Variants in IGF2R observed in about 807,000 individuals in gnomAD.
The protein encoded by IGF2R is cation-independent mannose-6-phosphate receptor.
A neutral mutation model predicts 270.6 loss-of-function variants in IGF2R; 91 were observed. The ratio of observed to expected loss-of-function variants is 0.34; its 90% confidence interval spans 0.28 to 0.40. The LOEUF is 0.40. Ranked by LOEUF, IGF2R falls within the 10% of genes least tolerant of loss-of-function variation. The pLI, the probability that IGF2R is intolerant of heterozygous loss-of-function variation, is 1.00. For synonymous variants in IGF2R, 1,316 were observed against 1,258.9 expected, an observed-to-expected ratio of 1.05 and a Z score of -0.96; for missense variants, 2,805 against 3,188.3, an observed-to-expected ratio of 0.88 and a Z score of 2.90.
At chr6:159,981,294 AGTGT>A (rs1300081712) in intron 1 of IGF2R, among the ~76,000 whole-genome samples, 1 of 151,586 alleles carries the variant, frequency 6.6e-6, no homozygotes, top group South Asian at 2.1e-4. Flanking sequence ...TGTGAGTGCA[AGTGT>A]GTGTGTCTGA....
rs1423529695 is a variant in IGF2R, at chr6:160,109,926, A to G, written c.*4842A>G. On this transcript the variant is annotated 3_prime_UTR_variant, in exon 48 of 48. Coordinates refer to ENST00000356956, the MANE Select transcript of IGF2R (RefSeq NM_000876.4). ...CATAGGTATGGATTGTCATATAGAA[A>G]CATTTTTCGCAGTGTGCCCCGTGGA... is the stretch of plus-strand genomic sequence containing the variant. 1 of 152,202 alleles carries G rather than the reference A, an allele frequency of 6.6e-6. No homozygotes were observed. Among genetic ancestry groups the G allele is most frequent in the Non-Finnish European group, 1.5e-5 (1 of 68,046 alleles). 9.4% of individuals were successfully genotyped at this position (152,202 alleles called of 1,614,324 possible).
At chr6:159,970,660 A>G (rs538743924) in intron 1 of IGF2R, among the ~76,000 whole-genome samples, 33 of 152,342 alleles carry the variant, frequency 2.2e-4, no homozygotes, top group Middle Eastern at 3.4e-3. Context: ...TAGCTACCCT[A>G]AGATACATAG....
chr6:160,009,432 T>TC (rs540003767), intron 3 of IGF2R, among the ~76,000 whole-genome samples: 116 of 152,366 alleles, frequency 7.6e-4, no homozygotes, highest in Non-Finnish European at 1.4e-3. Context: ...ACTTTTTTTT[T>TC]CTCTAAAACC....
chr6:160,048,458 A>G lies in IGF2R; in HGVS notation c.2429A>G (p.Tyr810Cys). 6.2e-7 allele frequency: 1 copy of G among 1,614,166 alleles called. No individual in the cohort carries two copies. The highest frequency in any genetic ancestry group is 8.5e-7 in the Non-Finnish European group (1 of 1,179,954). Residue 810 changes from tyrosine (Y) to cysteine (C), a missense_variant, in exon 18 of 48, where the codon TAC becomes TGC. Tyr to Cys is a radical substitution (Grantham distance 194). Around this residue, in one of 2 missense-constraint regions of IGF2R, gnomAD observed 1,851 missense variants for 2,207.2 expected, o/e 0.84. Coordinates refer to ENST00000356956, the MANE Select transcript of IGF2R (RefSeq NM_000876.4). ...SGEHVTWRKY[Y>C]INVCRPLNPV... ...GAACATGTCACGTGGAGGAAATACTACATTAACGTGTGTCGGCCTCTGAAT... is the reference window on the plus strand; with the variant it reads ...GAACATGTCACGTGGAGGAAATACTGCATTAACGTGTGTCGGCCTCTGAAT...
intron 3 of IGF2R, 30 bp from the exon 4 acceptor site, chr6:160,010,655 GTA>G: frequency 8.2e-7 from 1 of 1,218,018 alleles, no homozygotes; most frequent in Non-Finnish European, 1.2e-6. Flanking sequence ...GTGTGGTATG[GTA>G]ACATTATAAT....
rs1402773818 is a variant in IGF2R at position 160,060,735 on chromosome 6, A to G, written c.3262+18A>G. On this transcript the variant is annotated intron_variant, in intron 23 of 47. Coordinates refer to ENST00000356956, the MANE Select transcript of IGF2R (RefSeq NM_000876.4). ...AGTCACCGGTAAGGCCGTGCGGCCT[A>G]AGAACTGAGAGGCCGGTCAAGAGTC... The G allele has an allele frequency of 2.5e-6, 4 of 1,613,212 alleles. No homozygotes were observed. The highest frequency in any genetic ancestry group is 3.4e-6 in the Non-Finnish European group (4 of 1,179,334).
chr6:160,098,831 C>G (rs978609955), intron 45 of IGF2R, among the ~76,000 whole-genome samples: 1 of 152,034 alleles, frequency 6.6e-6, no homozygotes, highest in Non-Finnish European at 1.5e-5. Context: ...GAAAAAAAAT[C>G]ATGTAACTAT....
Position 160,104,822 on chromosome 6 carries a change from A to C in IGF2R, c.7214A>C (p.Asp2405Ala). ...AAAGCCCTCAGCTCCCTGCATGGGG[A>C]TGACCAGGACAGTGAGGATGAGGTT... ...SVKALSSLHG[D>A]DQDSEDEVLT... The change falls in exon 48 of 48, where the codon GAT (aspartate) becomes GCT (alanine). Residue 2405 changes from aspartate (D) to alanine (A), a missense_variant. By Grantham distance (126) the Asp-to-Ala change is moderately radical (BLOSUM62 -2). Around this residue, in one of 2 missense-constraint regions of IGF2R, gnomAD observed 1,851 missense variants for 2,207.2 expected, o/e 0.84. Coordinates refer to ENST00000356956, the MANE Select transcript of IGF2R (RefSeq NM_000876.4). 6.2e-7 allele frequency: 1 copy of C among 1,614,152 alleles called. No homozygotes were observed. The highest frequency in any genetic ancestry group is 1.1e-5 in the South Asian group (1 of 91,078).
chr6:159,988,171 C>G (rs986676409), intron 1 of IGF2R, among the ~76,000 whole-genome samples: 1 of 152,174 alleles, frequency 6.6e-6, no homozygotes, highest in Non-Finnish European at 1.5e-5. Context: ...CAAACACACT[C>G]TTTACCTTAT....
chr6:159,996,714 C>A (rs750312401), intron 2 of IGF2R, among the ~76,000 whole-genome samples: 1 of 152,172 alleles, frequency 6.6e-6, no homozygotes, highest in Non-Finnish European at 1.5e-5. Flanking sequence ...GTGAGTGCTA[C>A]GAGAGACACC....
At chr6:160,017,496 T>C (rs1562344854) in intron 4 of IGF2R, among the ~76,000 whole-genome samples, 1 of 152,194 alleles carries the variant, frequency 6.6e-6, no homozygotes, top group Non-Finnish European at 1.5e-5. Flanking sequence ...GACCTCCAAA[T>C]ATAGGAAGCT....
intron 26 of IGF2R, 69 bp downstream of exon 26, chr6:160,062,688 T>G: frequency 1.8e-6 from 2 of 1,095,608 alleles, no homozygotes; most frequent in Non-Finnish European, 2.8e-6. Context: ...AACGATGCCT[T>G]AGATATGAGA....
chr6:160,063,421 A>G lies in IGF2R; in HGVS notation c.3677A>G (p.Asn1226Ser), dbSNP rs142862020. Residue 1226 changes from asparagine (N) to serine (S), a missense_variant, in exon 27 of 48, where the codon AAC (asparagine) becomes AGC (serine). Around this residue, in one of 2 missense-constraint regions of IGF2R, gnomAD observed 1,851 missense variants for 2,207.2 expected, o/e 0.84. Transcript: ENST00000356956. ...ACPVVRVEGDNCEVKDPRHGN... is the reference protein window; with the variant it reads ...ACPVVRVEGDSCEVKDPRHGN... ...TTCTTCCATGTTCTTGAAGGGGACA[A>G]CTGTGAGGTGAAAGACCCAAGGCAT... 1.4e-4 allele frequency: 227 copies of G among 1,612,012 alleles called. No individual in the cohort carries two copies. Among genetic ancestry groups the G allele is most frequent in the Non-Finnish European group, 1.8e-4 (210 of 1,179,638 alleles).
At chr6:160,083,347 C>G (rs1307816500) in intron 39 of IGF2R, among the ~76,000 whole-genome samples, 1 of 152,230 alleles carries the variant, frequency 6.6e-6, no homozygotes, top group Non-Finnish European at 1.5e-5. Context: ...CAGCTTTTCT[C>G]CTATCTCAGA....
At chr6:160,014,614 C>T (rs1032361145) in intron 4 of IGF2R, among the ~76,000 whole-genome samples, 2 of 152,220 alleles carry the variant, frequency 1.3e-5, no homozygotes, top group African/African-American at 4.8e-5. Flanking sequence ...CCCTTCTTGC[C>T]ATATGCCATC....
chr6:160,086,871 G>C (rs1243435715), intron 41 of IGF2R, among the ~76,000 whole-genome samples: 3 of 152,244 alleles, frequency 2.0e-5, no homozygotes, highest in Admixed American at 6.5e-5. Flanking sequence ...CTGCCTGGAA[G>C]GATCTGTGTG....
chr6:160,093,883 C>G, intron 44 of IGF2R: 1 of 724,686 alleles, frequency 1.4e-6, no homozygotes, highest in South Asian at 1.4e-5. Context: ...CAGACAGGAC[C>G]ATTCAGGAGG....
At chr6:160,022,898 A>G (rs1372694733) in intron 4 of IGF2R, among the ~76,000 whole-genome samples, 3 of 151,918 alleles carry the variant, frequency 2.0e-5, no homozygotes, top group Admixed American at 1.3e-4. Flanking sequence ...AGCACATCTC[A>G]GGTAGAGAGG....
intron 41 of IGF2R, among the ~76,000 whole-genome samples, chr6:160,085,905 C>T (rs901678090): frequency 6.6e-6 from 1 of 152,204 alleles, no homozygotes; most frequent in Non-Finnish European, 1.5e-5. Context: ...AGCCTGAGAC[C>T]CGCCCTCCCT....
Sources: allele counts gnomAD v4.1 joint callset (sites outside exome capture counted in the v4.1 genomes callset), GRCh38; gene constraint gnomAD v4.1.1; regional missense constraint gnomAD v4.1.1; transcripts MANE v1.5; gene names NCBI Gene and HGNC (gene_info 2026-07-23, HGNC 2026-07-21).